TMBIM1: variants seen among roughly 807,000 people sequenced by gnomAD.
TMBIM1 encodes protein lifeguard 3.
Under a neutral mutation model 45.1 loss-of-function variants are expected in TMBIM1, and 34 were observed. The ratio of observed to expected loss-of-function variants is 0.75; its 90% CI spans 0.57 to 1.00. The LOEUF (loss-of-function observed/expected upper bound fraction) is 1.00. Ranked by LOEUF, TMBIM1 falls within the 50% of genes least tolerant of loss-of-function variation. TMBIM1 has a pLI of 0.00. For missense variants in TMBIM1, 374 were observed against 402.4 expected, an observed-to-expected ratio of 0.93 and a Z score of 0.60; for synonymous variants, 157 against 153.5, an observed-to-expected ratio of 1.02 and a Z score of -0.17.
At position 218,282,028 on chromosome 2, in the gene TMBIM1, G is replaced by C; in HGVS notation, c.114C>G (p.Ala38=). ...AGCCAGGCTGCGGGTAGCCAGGGTA[G>C]GCAGGATACCCTCCTGGCAGGACAG... ...QPSVLPGGYP[A]YPGYPQPGYG... is the part of the protein sequence containing the mutation. Residue 38 remains alanine (A), a synonymous_variant, in exon 2 of 12, where the codon GCC becomes GCG. Coordinates refer to ENST00000258412, the MANE Select transcript of TMBIM1 (RefSeq NM_022152.6). The C allele has an allele frequency of 6.2e-7, 1 of 1,608,154 alleles. No homozygotes were observed. The highest frequency in any genetic ancestry group is 8.5e-7 in the Non-Finnish European group (1 of 1,178,238).
intron 7 of TMBIM1, 92 bp from the exon 8 acceptor site, chr2:218,277,762 G>T: frequency 6.3e-7 from 1 of 1,577,632 alleles, no homozygotes. Flanking sequence ...TGCCAGAGCT[G>T]GGGAACGCCA....
At position 218,279,954 on chromosome 2, in the gene TMBIM1, G is replaced by A. The variant is rs1648098779; in HGVS notation, c.303+72C>T. The A allele has an allele frequency of 4.5e-6, 5 of 1,114,188 alleles. No homozygotes were observed. In the South Asian group the frequency reaches 5.0e-5, roughly 11 times the overall value. 69.0% of individuals were successfully genotyped at this position (1,114,188 alleles called of 1,614,324 possible). On this transcript the variant is annotated intron_variant, in intron 3 of 11. Coordinates refer to ENST00000258412, the MANE Select transcript of TMBIM1 (RefSeq NM_022152.6). ...ATGGAATTGATGCCCTGGGGCTACT[G>A]TGGCCTACCCACTTCCCATTCCCAC...
Position 218,279,369 on chromosome 2 carries a change from C to G in TMBIM1, c.304-16G>C. The G allele has an allele frequency of 6.5e-7, 1 of 1,542,178 alleles. No individual in the cohort carries two copies. Among genetic ancestry groups the G allele is most frequent in the South Asian group, 1.3e-5 (1 of 78,996 alleles). ...TGGAGTAAACCTGGACACAGACGGC[C>G]GGGCATGGGTCACCATCCGGCACCC... On this transcript the variant is annotated splice_polypyrimidine_tract_variant and intron_variant, in intron 3 of 11. Coordinates refer to ENST00000258412, the MANE Select transcript of TMBIM1 (RefSeq NM_022152.6).
rs1691361852 is a variant in TMBIM1, at chr2:218,277,638, A to C, written c.546T>G (p.Ile182Met). The C allele has an allele frequency of 6.2e-7, 1 of 1,614,218 alleles. No homozygotes were observed. The highest frequency in any genetic ancestry group is 1.3e-5 in the African/African-American group (1 of 75,058). The change falls in exon 8 of 12, where the codon ATT (isoleucine) becomes ATG (methionine). Residue 182 changes from isoleucine (I) to methionine (M), a missense_variant. Physicochemically the swap from Ile to Met is conservative, Grantham distance 10. Transcript: ENST00000258412. ...TFAMGFMTGT[I>M]SSMYQTKAVI... ...TGCTTTATCCCTGAATGTACCTGGAAATGGTGCCCGTCATGAAGCCCATGG... is the reference window on the plus strand; with the variant it reads ...TGCTTTATCCCTGAATGTACCTGGACATGGTGCCCGTCATGAAGCCCATGG...
At chr2:218,280,588 G>T in intron 2 of TMBIM1, 1 of 222,192 alleles carries the variant, frequency 4.5e-6, no homozygotes, top group Non-Finnish European at 9.1e-6. Flanking sequence ...GGTGTGCAAA[G>T]GGTGTGCGTG....
intron 2 of TMBIM1, chr2:218,281,130 T>TTTTTTGG (rs1553658813): frequency 2.6e-5 from 3 of 117,346 alleles, no homozygotes; most frequent in African/African-American, 9.0e-5. Flanking sequence ...TTGTTTTTTG[T>TTTTTTGG]TTTTTTTTTG....
At chr2:218,276,135 ACAGGCCC>A in intron 10 of TMBIM1, 56 bp from the exon 11 acceptor site, 1 of 1,582,448 alleles carries the variant, frequency 6.3e-7, no homozygotes, top group Non-Finnish European at 8.6e-7. Flanking sequence ...CCACAGGCCC[ACAGGCCC>A]CAGCTTCCCC....
rs1691104046 is a variant in TMBIM1, at chr2:218,275,544, G to A, written c.867C>T (p.Ala289=). The change falls in exon 12 of 12, where the codon GCC becomes GCT. Residue 289 remains alanine, a synonymous_variant. Coordinates refer to ENST00000258412, the MANE Select transcript of TMBIM1 (RefSeq NM_022152.6). Reference sequence around the variant, plus strand: ...AGATGATGTCTGTGTAAATCTGCAGGGCGCCAGTGATGTAGTCCTCGGGGC... The same window carrying A: ...AGATGATGTCTGTGTAAATCTGCAGAGCGCCAGTGATGTAGTCCTCGGGGC... The part of the protein sequence containing the change: ...TISPEDYITG[A]LQIYTDIIYI... 6.2e-7 allele frequency: 1 copy of A among 1,614,002 alleles called. No individual in the cohort carries two copies.
intron 6 of TMBIM1, 175 bp from the exon 7 acceptor site, chr2:218,278,149 G>A (rs1691437719): frequency 1.5e-6 from 1 of 669,014 alleles, no homozygotes; most frequent in Non-Finnish European, 2.5e-6. Flanking sequence ...GGGACAACAT[G>A]GGCCAATGAG....
At chr2:218,289,645 A>AAG (rs1692805035) in intron 1 of TMBIM1, among the ~76,000 whole-genome samples, 2 of 151,374 alleles carry the variant, frequency 1.3e-5, no homozygotes. Flanking sequence ...AAAAAAAAAA[A>AAG]ACTGAAAGAT....
intron 10 of TMBIM1, among the ~76,000 whole-genome samples, chr2:218,276,303 C>G (rs1021557690): frequency 3.3e-5 from 5 of 152,220 alleles, no homozygotes; most frequent in African/African-American, 1.2e-4. Context: ...AAACCAATCT[C>G]CAAAGCCAGT....
rs1691337240 is a variant in TMBIM1 at position 218,277,437 on chromosome 2, C to T, written c.568G>A (p.Ala190Thr). 1 of 1,614,140 alleles carries T rather than the reference C, an allele frequency of 6.2e-7. No individual in the cohort carries two copies. The highest frequency in any genetic ancestry group is 1.3e-5 in the African/African-American group (1 of 75,024). Residue 190 changes from alanine (A) to threonine (T), a missense_variant, in exon 9 of 12, where the codon GCC becomes ACC. Coordinates refer to ENST00000258412, the MANE Select transcript of TMBIM1 (RefSeq NM_022152.6). ...GTISSMYQTKAVIIAMIITAV... is the reference protein window; with the variant it reads ...GTISSMYQTKTVIIAMIITAV... ...GTGATGATCATTGCAATGATGACGG[C>T]TTTGGTTTGGTACATACTGGGGAGA...
At chr2:218,275,701 G>C in intron 11 of TMBIM1, 80 bp from the exon 12 acceptor site, 2 of 1,535,466 alleles carry the variant, frequency 1.3e-6, no homozygotes, top group Non-Finnish European at 1.8e-6. Flanking sequence ...ATTTGTCTTG[G>C]GGGCCTATGC....
At chr2:218,280,148 C>T (rs1388544277) in intron 2 of TMBIM1, 22 bp from the exon 3 acceptor site, 7 of 1,574,602 alleles carry the variant, frequency 4.4e-6, no homozygotes, top group Non-Finnish European at 5.2e-6. Flanking sequence ...TGACACTTGA[C>T]TCAGCTGGGG....
intron 1 of TMBIM1, among the ~76,000 whole-genome samples, chr2:218,291,730 C>T (rs998232082): frequency 6.6e-6 from 1 of 152,188 alleles, no homozygotes; most frequent in Non-Finnish European, 1.5e-5. Flanking sequence ...CACTTGCTTT[C>T]CCTTTTCCCG....
intron 4 of TMBIM1, 63 bp downstream of exon 4, chr2:218,279,226 C>T: frequency 6.4e-7 from 1 of 1,555,828 alleles, no homozygotes; most frequent in Non-Finnish European, 8.7e-7. Context: ...CCACCCACAC[C>T]CCCAGCAGGT....
At chr2:218,280,555 T>C (rs1051437222) in intron 2 of TMBIM1, 94 of 236,038 alleles carry the variant, frequency 4.0e-4, no homozygotes, top group African/African-American at 1.6e-3. Context: ...AAGACAGGGA[T>C]CTGCATCAGC....
At chr2:218,276,387 G>A (rs1486766830) in intron 10 of TMBIM1, among the ~76,000 whole-genome samples, 4 of 152,178 alleles carry the variant, frequency 2.6e-5, no homozygotes, top group Non-Finnish European at 5.9e-5. Context: ...GGCAGACCCA[G>A]CATTCAATAG....
In TMBIM1 at chr2:218,278,059, C is replaced by T. The variant is rs112235783; in HGVS notation, c.474-85G>A. On this transcript the variant is annotated intron_variant, in intron 6 of 11. Transcript: ENST00000258412. ...CTACAGCAGAAGGAAGCGCTTGGCT[C>T]CTGTGCCTGGAGGATTAAGCCTTGA... The T allele has an allele frequency of 2.6e-3, 3,877 of 1,487,936 alleles. 86 individuals carry two copies. In the African/African-American group the frequency reaches 0.047, roughly 18 times the overall value. The allele number at this position is 1,487,936 out of a possible 1,614,324, so 92.2% of individuals were successfully genotyped here.
Sources: allele counts gnomAD v4.1 joint callset (sites outside exome capture counted in the v4.1 genomes callset), GRCh38; gene constraint gnomAD v4.1.1; transcripts MANE v1.5; gene names NCBI Gene and HGNC (gene_info 2026-07-23, HGNC 2026-07-21).